The following FSTL5 variants were observed in gnomAD, a reference collection of about 807,000 sequenced individuals.
The protein encoded by FSTL5 is follistatin like 5, also known as follistatin-related protein 5.
A neutral mutation model predicts 89.1 loss-of-function variants in FSTL5; 62 were observed. The ratio of observed to expected loss-of-function variants is 0.70; its 90% CI spans 0.57 to 0.86. FSTL5 has a LOEUF of 0.86. FSTL5 is among the 40% of genes least tolerant of loss of function. The pLI, the probability that FSTL5 is intolerant of heterozygous loss-of-function variation, is 0.00. For synonymous variants in FSTL5, 383 were observed against 346.2 expected (o/e 1.11, Z -1.18); for missense variants, 1,057 against 1,001.6 (o/e 1.06, Z -0.75).
Position 162,149,842 on chromosome 4 carries a change from G to A in FSTL5, c.-17+13773C>T, listed in dbSNP as rs182384343. 1.9e-3 allele frequency among the ~76,000 whole-genome samples: 293 copies of A among 152,076 alleles called. 1 individual carries two copies. Among genetic ancestry groups the A allele is most frequent in the Non-Finnish European group, 3.4e-3 (233 of 67,998 alleles). On this transcript the variant is annotated intron_variant, in intron 1 of 15. Coordinates refer to ENST00000306100, the MANE Select transcript of FSTL5 (RefSeq NM_020116.5). The stretch of plus-strand genomic sequence containing the variant: ...ATTTGTAACTCAGTTTCAATACTAC[G>A]TTCAGTTTGACATCTGTTACTAAGA...
chr4:161,727,852 A>C (rs566036931), intron 6 of FSTL5, among the ~76,000 whole-genome samples: 1 of 152,182 alleles, frequency 6.6e-6, no homozygotes, highest in Non-Finnish European at 1.5e-5. Flanking sequence ...CTGGAAATAG[A>C]GAAAGGAGAG....
At chr4:161,969,518 A>T (rs1413556461) in intron 3 of FSTL5, among the ~76,000 whole-genome samples, 1 of 152,186 alleles carries the variant, frequency 6.6e-6, no homozygotes, top group Non-Finnish European at 1.5e-5. Flanking sequence ...TTTTGGAAAA[A>T]AAATCAAGTT....
chr4:162,017,354 C>T (rs927066369), intron 3 of FSTL5, among the ~76,000 whole-genome samples: 4 of 151,952 alleles, frequency 2.6e-5, no homozygotes, highest in Non-Finnish European at 4.4e-5. Context: ...TAATATGAGC[C>T]CTAAAATAAA....
intron 5 of FSTL5, among the ~76,000 whole-genome samples, chr4:161,759,839 C>T (rs1315253134): frequency 2.0e-5 from 3 of 151,812 alleles, no homozygotes; most frequent in East Asian, 3.9e-4. Context: ...ATTTTCTTTG[C>T]TCCATTTATA....
chr4:161,628,739 T>C (rs1394740302), intron 7 of FSTL5, among the ~76,000 whole-genome samples: 1 of 152,178 alleles, frequency 6.6e-6, no homozygotes, highest in Non-Finnish European at 1.5e-5. Flanking sequence ...CCTATCAGGT[T>C]GGCCCTGCCA....
intron 2 of FSTL5, among the ~76,000 whole-genome samples, chr4:162,104,171 T>C (rs774018783): frequency 5.9e-5 from 9 of 152,210 alleles, no homozygotes; most frequent in Non-Finnish European, 1.3e-4. Context: ...GAGGCGCCTA[T>C]TGCCACTCCC....
chr4:161,967,434 T>C (rs1014594368), intron 3 of FSTL5, among the ~76,000 whole-genome samples: 25 of 150,346 alleles, frequency 1.7e-4, no homozygotes, highest in African/African-American at 5.9e-4. Context: ...AAAAGAAAGG[T>C]AAAAAAGGAT....
At chr4:161,406,603 A>G (rs1394555809) in intron 15 of FSTL5, among the ~76,000 whole-genome samples, 3 of 152,296 alleles carry the variant, frequency 2.0e-5, no homozygotes, top group Admixed American at 6.5e-5. Context: ...TCCATTATCA[A>G]AAATAAGAGT....
chr4:161,592,119 G>A (rs549227238), intron 7 of FSTL5, among the ~76,000 whole-genome samples: 1 of 152,264 alleles, frequency 6.6e-6, no homozygotes, highest in South Asian at 2.1e-4. Flanking sequence ...TTTTGAGAGT[G>A]CATGTGCCAT....
intron 4 of FSTL5, among the ~76,000 whole-genome samples, chr4:161,788,152 T>A (rs1441798955): frequency 1.3e-5 from 2 of 152,186 alleles, no homozygotes; most frequent in Non-Finnish European, 2.9e-5. Flanking sequence ...ACGTAATAAT[T>A]GTACATCTTT....
chr4:162,102,910 T>G (rs1375081358), intron 2 of FSTL5, among the ~76,000 whole-genome samples: 1 of 151,700 alleles, frequency 6.6e-6, no homozygotes, highest in African/African-American at 2.4e-5. Context: ...GCAACACTTT[T>G]TTAGCATTTC....
chr4:161,639,558 A>T (rs1735870177), intron 7 of FSTL5, among the ~76,000 whole-genome samples: 1 of 152,178 alleles, frequency 6.6e-6, no homozygotes, highest in Non-Finnish European at 1.5e-5. Flanking sequence ...AGTACAAAGC[A>T]CCAGGAACCT....
At chr4:161,543,823 A>T (rs1731915187) in intron 8 of FSTL5, among the ~76,000 whole-genome samples, 1 of 152,092 alleles carries the variant, frequency 6.6e-6, no homozygotes, top group African/African-American at 2.4e-5. Context: ...ACATTGAGTA[A>T]ATGTTTCTGA....
At position 161,386,049 on chromosome 4, in the gene FSTL5, A is replaced by T; in HGVS notation, c.2242T>A (p.Phe748Ile). ...ATGTTATATTGGTGGGCTTCAGTAA[A>T]GGATGGTTGAAATGCCAGATCAGAT... ...HISDLAFQPS[F>I]TEAHQYNIYG... The change falls in exon 16 of 16, where the codon TTT (phenylalanine) becomes ATT (isoleucine). Residue 748 changes from phenylalanine (F) to isoleucine (I), a missense_variant. This residue lies in a region of FSTL5 where 980 missense variants were observed against 903.2 expected (regional missense o/e 1.08). Transcript: ENST00000306100. 1 of 1,614,116 alleles carries T rather than the reference A, an allele frequency of 6.2e-7. No homozygotes were observed. Among genetic ancestry groups the T allele is most frequent in the Non-Finnish European group, 8.5e-7 (1 of 1,179,990 alleles).
intron 4 of FSTL5, among the ~76,000 whole-genome samples, chr4:161,784,953 A>C (rs933696279): frequency 2.0e-4 from 30 of 151,976 alleles, no homozygotes; most frequent in African/African-American, 7.0e-4. Flanking sequence ...CTATGAAATC[A>C]TAGGTATCTA....
chr4:161,857,629 AT>A (rs1731761918), intron 4 of FSTL5, among the ~76,000 whole-genome samples: 1 of 152,138 alleles, frequency 6.6e-6, no homozygotes, highest in Non-Finnish European at 1.5e-5. Context: ...CTCTATTTTA[AT>A]TATTTAATAT....
intron 4 of FSTL5, among the ~76,000 whole-genome samples, chr4:161,819,489 TCTAA>T (rs999726212): frequency 3.9e-5 from 6 of 152,226 alleles, no homozygotes; most frequent in East Asian, 1.9e-4. Context: ...GTTTTCATCC[TCTAA>T]CTGTCTCTCT....
intron 4 of FSTL5, among the ~76,000 whole-genome samples, chr4:161,808,196 A>G (rs1730025858): frequency 6.6e-6 from 1 of 152,190 alleles, no homozygotes; most frequent in Non-Finnish European, 1.5e-5. Context: ...TAATAACAGG[A>G]TACATAGATG....
At position 161,912,416 on chromosome 4, in the gene FSTL5, G is replaced by C. The variant is rs571523080; in HGVS notation, c.409+7988C>G. Among the ~76,000 whole-genome samples the C allele has an allele frequency of 5.3e-5, 8 of 152,264 alleles. No individual in the cohort carries two copies. In the East Asian group the frequency reaches 1.5e-3, roughly 29 times the overall value. On this transcript the variant is annotated intron_variant, in intron 4 of 15. Transcript: ENST00000306100. The stretch of plus-strand genomic sequence containing the variant: ...GGAGGTAATTGAATCATGGGGGCCA[G>C]TCTTTCCTGTGCTATTCTCATGATA...
Sources: gnomAD v4.1 joint callset for allele counts (sites outside exome capture counted in the v4.1 genomes callset) on GRCh38, gnomAD v4.1.1 for gene constraint, gnomAD v4.1.1 regional missense constraint, MANE v1.5 for transcripts, NCBI Gene and HGNC (gene_info 2026-07-23, HGNC 2026-07-21) for gene names.